Variants in THRB observed in about 807,000 individuals in gnomAD.
THRB encodes nuclear receptor subfamily 1 group A member 2.
In THRB, 12 loss-of-function variants were observed where a neutral mutation model predicts 47.8. The observed-to-expected ratio is 0.25, with a 90% confidence interval of 0.16 to 0.41. The LOEUF (loss-of-function observed/expected upper bound fraction) is 0.41. Among genes scored for constraint, THRB ranks in the 10% least tolerant of loss-of-function variants. The probability of loss-of-function intolerance (pLI) is 1.00; values close to 1 mark genes in which losing one functional copy is unlikely to be tolerated. For synonymous variants in THRB, 218 were observed against 212.2 expected, an observed-to-expected ratio of 1.03 and a Z score of -0.24; for missense variants, 348 against 589.2, an observed-to-expected ratio of 0.59 and a Z score of 4.24.
intron 3 of THRB, among the ~76,000 whole-genome samples, chr3:24,268,259 T>C (rs2052869450): frequency 6.6e-6 from 1 of 152,154 alleles, no homozygotes; most frequent in Non-Finnish European, 1.5e-5. Context: ...GTAGTGAGCA[T>C]CACCTATTTA....
intron 2 of THRB, among the ~76,000 whole-genome samples, chr3:24,313,498 T>C (rs949688242): frequency 6.6e-6 from 1 of 152,198 alleles, no homozygotes; most frequent in African/African-American, 2.4e-5. Context: ...AATTGAACAT[T>C]TTAAAAAGCC....
At chr3:24,192,902 G>C (rs941498091) in intron 4 of THRB, among the ~76,000 whole-genome samples, 2 of 152,164 alleles carry the variant, frequency 1.3e-5, no homozygotes, top group Non-Finnish European at 2.9e-5. Context: ...TTTATTGGTT[G>C]GGGCACTGCT....
chr3:24,335,445 T>G (rs1290167853), intron 2 of THRB, among the ~76,000 whole-genome samples: 1 of 152,226 alleles, frequency 6.6e-6, no homozygotes, highest in African/African-American at 2.4e-5. Flanking sequence ...TTAAGGACAT[T>G]GATCAAACTC....
intron 1 of THRB, among the ~76,000 whole-genome samples, chr3:24,398,414 G>A (rs1057090229): frequency 3.1e-4 from 47 of 152,274 alleles, no homozygotes; most frequent in African/African-American, 9.1e-4. Context: ...ACAAGTGGGC[G>A]AAGGATATGA....
chr3:24,431,022 A>C (rs2070337606), intron 1 of THRB: 1 of 152,162 alleles, frequency 6.6e-6, no homozygotes, highest in Admixed American at 6.6e-5. Flanking sequence ...AGTCAGAATG[A>C]AGATTCACCA....
In THRB at chr3:24,263,560, T is replaced by C. The variant is rs145293192; in HGVS notation, c.-43+33666A>G. On this transcript the variant is annotated intron_variant, in intron 3 of 10. Coordinates refer to ENST00000646209, the MANE Select transcript of THRB (RefSeq NM_001354712.2). ...CCTCAATTATTTTTGGAGATTATAC[T>C]GGAAATGACTTAATGACACACTAGA... 4.1e-3 allele frequency among the ~76,000 whole-genome samples: 627 copies of C among 151,878 alleles called. 5 individuals are homozygous for C. Among genetic ancestry groups the C allele is most frequent in the African/African-American group, 0.014 (587 of 41,404 alleles).
intron 3 of THRB, among the ~76,000 whole-genome samples, chr3:24,251,912 T>C (rs558979165): frequency 1.3e-5 from 2 of 151,944 alleles, no homozygotes; most frequent in South Asian, 4.2e-4. Context: ...AAATCTTAAA[T>C]AAAATATCAG....
At chr3:24,201,600 T>C (rs2044606187) in intron 4 of THRB, among the ~76,000 whole-genome samples, 1 of 152,170 alleles carries the variant, frequency 6.6e-6, no homozygotes, top group Non-Finnish European at 1.5e-5. Flanking sequence ...CCAAGTGAAA[T>C]GTTGGTGGGA....
chr3:24,282,707 AAG>A (rs1266669055), intron 3 of THRB, among the ~76,000 whole-genome samples: 2 of 149,402 alleles, frequency 1.3e-5, no homozygotes, highest in African/African-American at 2.6e-5. Flanking sequence ...TAAAGAAAAA[AAG>A]AGAGAACAAT....
chr3:24,421,718 T>G (rs1466307050), intron 1 of THRB, among the ~76,000 whole-genome samples: 1 of 151,922 alleles, frequency 6.6e-6, no homozygotes, highest in Non-Finnish European at 1.5e-5. Flanking sequence ...CTAAGCATAG[T>G]GAATTGCCTT....
intron 1 of THRB, among the ~76,000 whole-genome samples, chr3:24,436,656 C>G (rs539093614): frequency 9.2e-5 from 14 of 152,244 alleles, no homozygotes; most frequent in African/African-American, 3.4e-4. Context: ...TTGCACTGCC[C>G]TTGAACATAG....
At chr3:24,135,065 T>G (rs1269854712) in intron 8 of THRB, among the ~76,000 whole-genome samples, 1 of 152,160 alleles carries the variant, frequency 6.6e-6, no homozygotes, top group Non-Finnish European at 1.5e-5. Flanking sequence ...CTTGGGAATC[T>G]GCATTTCTAA....
At chr3:24,264,379 C>A (rs1013728962) in intron 3 of THRB, among the ~76,000 whole-genome samples, 1 of 152,014 alleles carries the variant, frequency 6.6e-6, no homozygotes, top group African/African-American at 2.4e-5. Flanking sequence ...GTTTATTGTA[C>A]CTCTTAAATT....
chr3:24,476,411 T>C (rs747099091), intron 1 of THRB, among the ~76,000 whole-genome samples: 1 of 152,260 alleles, frequency 6.6e-6, no homozygotes, highest in African/African-American at 2.4e-5. Context: ...GTATAATCTT[T>C]TAAATTTTTA....
At chr3:24,323,937 C>A (rs1047571547) in intron 2 of THRB, among the ~76,000 whole-genome samples, 1 of 152,156 alleles carries the variant, frequency 6.6e-6, no homozygotes, top group South Asian at 2.1e-4. Flanking sequence ...AAACCATAAG[C>A]AGTACTGTTA....
chr3:24,137,191 T>C (rs561991906), intron 8 of THRB, among the ~76,000 whole-genome samples: 1 of 152,370 alleles, frequency 6.6e-6, no homozygotes, highest in African/African-American at 2.4e-5. Flanking sequence ...TGTCTTTGCC[T>C]ACTGTGTACA....
intron 1 of THRB, among the ~76,000 whole-genome samples, chr3:24,353,409 G>C (rs1371736654): frequency 4.6e-5 from 7 of 152,098 alleles, no homozygotes; most frequent in Non-Finnish European, 4.4e-5. Flanking sequence ...ATAGACATTT[G>C]ACAAGGAAAT....
chr3:24,249,975 C>G (rs567451135), intron 3 of THRB, among the ~76,000 whole-genome samples: 1 of 152,316 alleles, frequency 6.6e-6, no homozygotes, highest in South Asian at 2.1e-4. Flanking sequence ...ATGGCAGAAA[C>G]TGCAGTTACT....
At chr3:24,319,449 G>T in intron 2 of THRB, among the ~76,000 whole-genome samples, 1 of 152,180 alleles carries the variant, frequency 6.6e-6, no homozygotes, top group Non-Finnish European at 1.5e-5. Flanking sequence ...GTTATGTTGA[G>T]CAAAAAATGT....
Sources: allele counts gnomAD v4.1 joint callset (sites outside exome capture counted in the v4.1 genomes callset), GRCh38; gene constraint gnomAD v4.1.1; transcripts MANE v1.5; gene names NCBI Gene and HGNC (gene_info 2026-07-23, HGNC 2026-07-21).